The following VEZT variants were observed in gnomAD, a reference collection of about 807,000 sequenced individuals.
The protein encoded by VEZT is vezatin.
VEZT carries 39 observed loss-of-function variants against 79.9 expected under a neutral mutation model. The observed-to-expected ratio is 0.49, with a 90% CI of 0.38 to 0.64. VEZT has a LOEUF of 0.64. Ranked by LOEUF, VEZT falls within the 30% of genes least tolerant of loss-of-function variation. The probability of loss-of-function intolerance (pLI) is 0.00; values close to 1 mark genes in which losing one functional copy is unlikely to be tolerated. For synonymous variants in VEZT, 325 were observed against 327.6 expected, an observed-to-expected ratio of 0.99 and a Z score of 0.09; for missense variants, 837 against 893.1, an observed-to-expected ratio of 0.94 and a Z score of 0.80.
chr12:95,294,299 C>T lies in VEZT; in HGVS notation c.1550C>T (p.Pro517Leu), dbSNP rs1040770665. The T allele has an allele frequency of 1.3e-6, 2 of 1,591,712 alleles. No individual in the cohort carries two copies. The highest frequency in any genetic ancestry group is 1.7e-6 in the Non-Finnish European group (2 of 1,168,526). ...KGKPEIACEN[P>L]HCTVVPLKQP... ...AAGCCTGAAATAGCATGTGAAAACC[C>T]ACATTGTACAGTAGTACCTTTGAAG... Residue 517 changes from proline to leucine, a missense_variant, in exon 10 of 12, where the codon CCA becomes CTA. By Grantham distance (98) the Pro-to-Leu change is moderately conservative. Coordinates refer to ENST00000436874, the MANE Select transcript of VEZT (RefSeq NM_017599.4).
At chr12:95,255,721 G>A (rs1460684738) in intron 2 of VEZT, among the ~76,000 whole-genome samples, 3 of 151,984 alleles carry the variant, frequency 2.0e-5, no homozygotes, top group Admixed American at 6.5e-5. Flanking sequence ...GGGAGCCACC[G>A]CCCCCGGCCT....
chr12:95,288,120 AATTTTGATAGC>A (rs1194545299), intron 9 of VEZT, among the ~76,000 whole-genome samples: 2 of 152,182 alleles, frequency 1.3e-5, no homozygotes, highest in East Asian at 3.8e-4. Context: ...TGAGAGAATA[AATTTTGATAGC>A]ATTTTTCTAT....
At chr12:95,291,498 T>C (rs1016322794) in intron 9 of VEZT, among the ~76,000 whole-genome samples, 1 of 152,224 alleles carries the variant, frequency 6.6e-6, no homozygotes, top group Non-Finnish European at 1.5e-5. Context: ...TCTAAAGATT[T>C]TCTGCCTTGC....
Position 95,279,464 on chromosome 12 carries a change from T to G in VEZT, c.997-2849T>G, listed in dbSNP as rs1057382092. 2.0e-5 allele frequency among the ~76,000 whole-genome samples: 3 copies of G among 152,346 alleles called. 1 individual carries two copies. Among genetic ancestry groups the G allele is most frequent in the Middle Eastern group, 6.8e-3 (2 of 294 alleles). On this transcript the variant is annotated intron_variant, in intron 7 of 11. Transcript: ENST00000436874. ...ATTGTGAAATGCTTTAAATCAAAAT[T>G]TTCTGTTTACCTATCAGCTATGGTT...
In VEZT at chr12:95,266,603, A is replaced by T. The variant is rs765314172; in HGVS notation, c.681A>T (p.Glu227Asp). The T allele has an allele frequency of 6.2e-7, 1 of 1,612,010 alleles. No homozygotes were observed. The highest frequency in any genetic ancestry group is 1.7e-4 in the Middle Eastern group (1 of 6,060). Residue 227 changes from glutamate to aspartate, a missense_variant, in exon 5 of 12, where the codon GAA becomes GAT. By Grantham distance (45) the Glu-to-Asp change is conservative (BLOSUM62 2). Transcript: ENST00000436874. Reference protein sequence around the residue: ...LVRKALRLIQETEVISRGFTL... With the variant: ...LVRKALRLIQDTEVISRGFTL... ...GAAAAGCTTTACGTCTCATTCAAGAAACCGAAGTGATTTCCAGAGGATTTA... is the reference window on the plus strand; with the variant it reads ...GAAAAGCTTTACGTCTCATTCAAGATACCGAAGTGATTTCCAGAGGATTTA...
chr12:95,256,585 C>T, intron 2 of VEZT: 1 of 1,289,696 alleles, frequency 7.8e-7, no homozygotes, highest in Non-Finnish European at 1.0e-6. Context: ...TGAATATAAA[C>T]TGCACTTACT....
At chr12:95,259,169 A>T (rs1406243500) in intron 3 of VEZT, among the ~76,000 whole-genome samples, 2 of 147,612 alleles carry the variant, frequency 1.4e-5, no homozygotes, top group Non-Finnish European at 3.0e-5. Context: ...TTGTGCTCTT[A>T]TACTGTGATG....
At chr12:95,257,955 ACAAT>A (rs2063730647) in intron 3 of VEZT, among the ~76,000 whole-genome samples, 1 of 152,210 alleles carries the variant, frequency 6.6e-6, no homozygotes, top group Non-Finnish European at 1.5e-5. Flanking sequence ...CAAGGTTCAG[ACAAT>A]CAGTTTGTTT....
chr12:95,235,763 C>T (rs1469805190), intron 1 of VEZT, among the ~76,000 whole-genome samples: 1 of 151,880 alleles, frequency 6.6e-6, no homozygotes, highest in African/African-American at 2.4e-5. Flanking sequence ...GCCGGAGACG[C>T]TCCTCACTTC....
chr12:95,272,820 G>A (rs1473584393), intron 6 of VEZT, among the ~76,000 whole-genome samples: 2 of 152,188 alleles, frequency 1.3e-5, no homozygotes, highest in African/African-American at 4.8e-5. Context: ...GTGGTGGCAT[G>A]ATCATGGCTC....
chr12:95,291,339 C>T (rs2139682023), intron 9 of VEZT, among the ~76,000 whole-genome samples: 1 of 152,320 alleles, frequency 6.6e-6, no homozygotes, highest in East Asian at 1.9e-4. Context: ...CCCAGACTAG[C>T]ATATAAGCAT....
At chr12:95,273,824 T>G (rs143945534) in intron 6 of VEZT, among the ~76,000 whole-genome samples, 363 of 152,330 alleles carry the variant, frequency 2.4e-3, no homozygotes, top group African/African-American at 8.5e-3. Flanking sequence ...AATATTGGAT[T>G]GTATCAAAAG....
intron 10 of VEZT, among the ~76,000 whole-genome samples, chr12:95,295,530 G>T (rs189006741): frequency 2.6e-5 from 4 of 152,276 alleles, no homozygotes; most frequent in Admixed American, 2.6e-4. Context: ...AGAATCCCAG[G>T]TCATTTACCT....
At chr12:95,242,920 G>A (rs1003751570) in intron 1 of VEZT, among the ~76,000 whole-genome samples, 10 of 148,700 alleles carry the variant, frequency 6.7e-5, no homozygotes, top group Non-Finnish European at 7.4e-5. Context: ...ATTTTCCCCA[G>A]ATTATAATAA....
rs567373886 is a variant in VEZT at position 95,257,071 on chromosome 12, G to A, written c.169-79G>A. ...TTTCTGATATAAATTCTCATTGATTGGAGGTAAGTACTTTGAAGTTTTTCT... is the reference window on the plus strand; with the variant it reads ...TTTCTGATATAAATTCTCATTGATTAGAGGTAAGTACTTTGAAGTTTTTCT... On this transcript the variant is annotated intron_variant, in intron 2 of 11. Transcript: ENST00000436874. 17 of 1,103,256 alleles carry A rather than the reference G, an allele frequency of 1.5e-5. No homozygotes were observed. The South Asian group carries it at 2.6e-4, about 17-fold the overall frequency. 68.3% of individuals were successfully genotyped at this position (1,103,256 alleles called of 1,614,324 possible). A position where few individuals can be genotyped will look rare whatever the true frequency, so the allele number is the denominator to read the frequency against.
chr12:95,239,076 A>T (rs2137211108), intron 1 of VEZT, among the ~76,000 whole-genome samples: 1 of 152,346 alleles, frequency 6.6e-6, no homozygotes, highest in Admixed American at 6.5e-5. Context: ...TGGATACTAA[A>T]TTTTGGGGGA....
At chr12:95,263,979 T>A (rs968138121) in intron 4 of VEZT, among the ~76,000 whole-genome samples, 10 of 152,312 alleles carry the variant, frequency 6.6e-5, no homozygotes, top group East Asian at 5.8e-4. Context: ...CGATTATATA[T>A]AAAAAATTAT....
chr12:95,263,222 A>G, intron 4 of VEZT, 141 bp downstream of exon 4: 1 of 835,126 alleles, frequency 1.2e-6, no homozygotes, highest in Non-Finnish European at 1.7e-6. Flanking sequence ...TATGGGGGGA[A>G]AAAGTGCCTT....
intron 9 of VEZT, among the ~76,000 whole-genome samples, chr12:95,291,859 C>T (rs747074731): frequency 3.9e-5 from 6 of 152,048 alleles, no homozygotes; most frequent in African/African-American, 7.2e-5. Flanking sequence ...AGTGCATTGG[C>T]GCAATTTCAG....
Sources: allele counts gnomAD v4.1 joint callset (sites outside exome capture counted in the v4.1 genomes callset), GRCh38; gene constraint gnomAD v4.1.1; transcripts MANE v1.5; gene names NCBI Gene and HGNC (gene_info 2026-07-23, HGNC 2026-07-21).